The following ASIC2 variants were observed in gnomAD, a reference collection of about 807,000 sequenced individuals.
ASIC2 encodes the protein acid sensing ion channel subunit 2, also known as acid-sensing ion channel 2.
In ASIC2, 25 loss-of-function variants were observed where a neutral mutation model predicts 57.3. That is an observed-to-expected ratio of 0.44 (90% CI 0.32 to 0.61). The LOEUF is 0.61. Among genes scored for constraint, ASIC2 ranks in the 20% least tolerant of loss-of-function variants. The pLI is 0.06. For synonymous variants in ASIC2, 319 were observed against 307.5 expected (o/e 1.04, Z -0.39); for missense variants, 641 against 738.1 (o/e 0.87, Z 1.52).
intron 1 of ASIC2, chr17:33,131,462 C>G (rs2092345705): frequency 6.6e-6 from 1 of 152,652 alleles, no homozygotes; most frequent in South Asian, 2.1e-4. Flanking sequence ...CAGAATCACT[C>G]AGCTACAGCC....
chr17:33,682,817 T>C lies in ASIC2; in HGVS notation c.555+473161A>G, dbSNP rs138035656. Among the ~76,000 whole-genome samples the C allele has an allele frequency of 3.9e-3, 599 of 152,318 alleles. 10 individuals are homozygous for C. The highest frequency in any genetic ancestry group is 0.014 in the African/African-American group (571 of 41,556). The stretch of plus-strand genomic sequence containing the variant: ...AAGATTATTCTCAGGGGAGATAACT[T>C]TGGAGAATGGTGCTTCCCAGTACTA... On this transcript the variant is annotated intron_variant, in intron 1 of 9. Coordinates refer to the ASIC2 transcript ENST00000359872.
At chr17:33,455,118 G>A (rs1460153203) in intron 1 of ASIC2, among the ~76,000 whole-genome samples, 1 of 152,202 alleles carries the variant, frequency 6.6e-6, no homozygotes, top group Non-Finnish European at 1.5e-5. Context: ...GTATCCTAAT[G>A]TGTCTTACAG....
chr17:33,332,684 A>G (rs1032854670), intron 1 of ASIC2, among the ~76,000 whole-genome samples: 3 of 152,134 alleles, frequency 2.0e-5, no homozygotes, highest in African/African-American at 7.2e-5. Context: ...TGAGGTCAGG[A>G]GTTCGAGAGC....
At chr17:33,621,676 C>T (rs1261781898) in intron 1 of ASIC2, among the ~76,000 whole-genome samples, 4 of 152,224 alleles carry the variant, frequency 2.6e-5, no homozygotes, top group African/African-American at 9.6e-5. Flanking sequence ...CAGGACCTGT[C>T]TTCTTTCTCC....
At chr17:33,822,574 T>C (rs1289169971) in intron 1 of ASIC2, among the ~76,000 whole-genome samples, 2 of 152,236 alleles carry the variant, frequency 1.3e-5, no homozygotes, top group African/African-American at 2.4e-5. Context: ...TTCAATGTTA[T>C]TCCTCAGGTT....
At position 33,258,748 on chromosome 17, in the gene ASIC2, A is replaced by G. The variant is rs540407989; in HGVS notation, c.708+32660T>C. ...TGTTCTCTGATTTGTAGAAGAAGAA[A>G]CTAAAGCTCAGTGAAGTTAAATAAC... On this transcript the variant is annotated intron_variant, in intron 1 of 9. Transcript: ENST00000225823. 3.9e-5 allele frequency among the ~76,000 whole-genome samples: 6 copies of G among 152,340 alleles called. No homozygotes were observed. In the South Asian group the frequency reaches 1.2e-3, roughly 32 times the overall value.
intron 1 of ASIC2, among the ~76,000 whole-genome samples, chr17:33,398,803 C>T (rs1046737675): frequency 3.9e-5 from 6 of 152,124 alleles, no homozygotes; most frequent in African/African-American, 1.4e-4. Flanking sequence ...GTGACTTGCC[C>T]GGGGCTACAC....
chr17:33,221,031 A>C (rs1415289955), intron 1 of ASIC2, among the ~76,000 whole-genome samples: 1 of 152,180 alleles, frequency 6.6e-6, no homozygotes, highest in African/African-American at 2.4e-5. Flanking sequence ...GACTTACACC[A>C]TTGCACTCCA....
At chr17:33,882,201 C>A (rs1021117498) in intron 1 of ASIC2, among the ~76,000 whole-genome samples, 4 of 152,276 alleles carry the variant, frequency 2.6e-5, no homozygotes, top group Admixed American at 6.5e-5. Context: ...TAGGCATGGG[C>A]AAGGACTTCA....
intron 1 of ASIC2, among the ~76,000 whole-genome samples, chr17:33,858,072 C>T (rs1429753346): frequency 6.6e-6 from 1 of 152,172 alleles, no homozygotes; most frequent in East Asian, 1.9e-4. Context: ...CTCTAGTCAT[C>T]CACAGAATTC....
chr17:33,663,925 T>A (rs1167711776), intron 1 of ASIC2, among the ~76,000 whole-genome samples: 6 of 152,186 alleles, frequency 3.9e-5, no homozygotes, highest in Admixed American at 3.9e-4. Flanking sequence ...TACCGCCAGC[T>A]GCCCCAAACC....
intron 1 of ASIC2, among the ~76,000 whole-genome samples, chr17:33,545,472 C>T (rs547729685): frequency 2.6e-5 from 4 of 152,228 alleles, no homozygotes; most frequent in African/African-American, 7.2e-5. Context: ...ACCCGAGACG[C>T]GGATTTCTAC....
chr17:33,142,088 T>G (rs1904339291), intron 1 of ASIC2, among the ~76,000 whole-genome samples: 1 of 152,094 alleles, frequency 6.6e-6, no homozygotes, highest in Non-Finnish European at 1.5e-5. Context: ...AGACCAGGAG[T>G]TTGTTCTCTG....
At position 33,287,471 on chromosome 17, in the gene ASIC2, A is replaced by C. The variant is rs1245524600; in HGVS notation, c.708+3937T>G. Reference sequence around the variant, plus strand: ...TTTTGCATCCCACCCAATTACTGGGAAGGCTCCCTTCTTCTGGCCCAGGAA... The same window carrying C: ...TTTTGCATCCCACCCAATTACTGGGCAGGCTCCCTTCTTCTGGCCCAGGAA... On this transcript the variant is annotated intron_variant, in intron 1 of 9. Transcript: ENST00000225823. 3.9e-5 allele frequency among the ~76,000 whole-genome samples: 6 copies of C among 152,302 alleles called. No homozygotes were observed. In the East Asian group the frequency reaches 1.2e-3, roughly 29 times the overall value.
At chr17:33,232,908 T>C (rs1908163023) in intron 1 of ASIC2, among the ~76,000 whole-genome samples, 1 of 152,196 alleles carries the variant, frequency 6.6e-6, no homozygotes, top group Non-Finnish European at 1.5e-5. Flanking sequence ...TCTGGAGCGA[T>C]GCATTCTTGT....
intron 1 of ASIC2, among the ~76,000 whole-genome samples, chr17:33,536,130 C>A (rs1915220628): frequency 2.0e-5 from 3 of 152,174 alleles, no homozygotes; most frequent in Admixed American, 2.0e-4. Context: ...CCTGTGAAGG[C>A]TGGGGAGTAT....
At chr17:33,241,771 A>G (rs1244631546) in intron 1 of ASIC2, among the ~76,000 whole-genome samples, 2 of 152,106 alleles carry the variant, frequency 1.3e-5, no homozygotes, top group African/African-American at 2.4e-5. Flanking sequence ...GGAGATATCT[A>G]AGGAATGCAT....
intron 1 of ASIC2, among the ~76,000 whole-genome samples, chr17:33,631,448 A>G (rs1446052836): frequency 2.0e-5 from 3 of 151,812 alleles, no homozygotes; most frequent in African/African-American, 7.3e-5. Context: ...TCATGATGAC[A>G]TTATGGGCTT....
chr17:33,985,754 T>C (rs890842692), intron 1 of ASIC2, among the ~76,000 whole-genome samples: 3 of 152,212 alleles, frequency 2.0e-5, no homozygotes, highest in Non-Finnish European at 4.4e-5. Context: ...CTGAGCCAGA[T>C]CTTGCCACTC....
Sources: allele counts gnomAD v4.1 joint callset (sites outside exome capture counted in the v4.1 genomes callset), GRCh38; gene constraint gnomAD v4.1.1; transcripts MANE v1.5; gene names NCBI Gene and HGNC (gene_info 2026-07-23, HGNC 2026-07-21).